The following TENM3 variants were observed in gnomAD, a reference collection of about 807,000 sequenced individuals.
TENM3 encodes the protein teneurin transmembrane protein 3.
TENM3 carries 63 observed loss-of-function variants against 255.1 expected under a neutral mutation model. That is an observed-to-expected ratio of 0.25 (90% confidence interval 0.20 to 0.30). The LOEUF is 0.30. Among genes scored for constraint, TENM3 ranks in the 10% least tolerant of loss-of-function variants. TENM3 has a pLI of 1.00. For synonymous variants in TENM3, 1,306 were observed against 1,322.3 expected, an observed-to-expected ratio of 0.99 and a Z score of 0.27; for missense variants, 2,929 against 3,461.1, an observed-to-expected ratio of 0.85 and a Z score of 3.86.
intron 3 of TENM3, among the ~76,000 whole-genome samples, chr4:182,481,619 AC>A (rs34266881): frequency 0.29 from 43,985 of 151,966 alleles, 7,515 homozygotes; most frequent in East Asian, 0.48. Flanking sequence ...ACACGGTGAA[AC>A]CCCGTCTCTA....
intron 3 of TENM3, among the ~76,000 whole-genome samples, chr4:182,518,062 C>T (rs1738187100): frequency 6.6e-6 from 1 of 151,952 alleles, no homozygotes; most frequent in South Asian, 2.1e-4. Flanking sequence ...TTTTCTTGTT[C>T]TTTTTGTTTC....
In TENM3 at chr4:182,800,604, AATC is replaced by A. The variant is rs1003812516; in HGVS notation, c.*258_*260del. On this transcript the variant is annotated 3_prime_UTR_variant, in exon 28 of 28. Transcript: ENST00000511685. ...ACTGAACGTAGCCAGAGGAAAAAAA[AATC>A]ATCAAGGACAAAGGCCTCGACCTGT... 16 of 393,302 alleles carry A rather than the reference AATC, an allele frequency of 4.1e-5. No individual in the cohort carries two copies. Among genetic ancestry groups the A allele is most frequent in the Non-Finnish European group, 6.8e-5 (15 of 220,288 alleles). 24.4% of individuals were successfully genotyped at this position (393,302 alleles called of 1,614,324 possible).
the TENM3 span, among the ~76,000 whole-genome samples, chr4:181,786,880 A>G: frequency 2.0e-5 from 3 of 152,086 alleles, no homozygotes; most frequent in East Asian, 1.9e-4. Context: ...CTGAGCCCCA[A>G]CAGAACCTTG....
intron 1 of TENM3, among the ~76,000 whole-genome samples, chr4:182,226,283 G>A (rs2726818): frequency 0.094 from 14,372 of 152,122 alleles, 755 homozygotes; most frequent in African/African-American, 0.13. Context: ...ACTGTGCTAA[G>A]AGTGAATGAA....
chr4:181,518,378 C>T, the TENM3 span, among the ~76,000 whole-genome samples: 2 of 151,894 alleles, frequency 1.3e-5, no homozygotes, highest in East Asian at 3.9e-4. Flanking sequence ...CTTAATGGCA[C>T]TTCTTAGGTT....
the TENM3 span, among the ~76,000 whole-genome samples, chr4:181,966,812 AAAAGTGAC>A: frequency 3.3e-5 from 5 of 152,190 alleles, no homozygotes; most frequent in African/African-American, 1.2e-4. Flanking sequence ...CGCTAGACAC[AAAAGTGAC>A]AAAGCATTAT....
the TENM3 span, among the ~76,000 whole-genome samples, chr4:181,818,164 C>T: frequency 2.6e-5 from 4 of 152,172 alleles, no homozygotes; most frequent in African/African-American, 9.7e-5. Flanking sequence ...ACATGAGTTG[C>T]GATGGTCAGT....
intron 12 of TENM3, among the ~76,000 whole-genome samples, chr4:182,691,096 T>C (rs1354625282): frequency 6.6e-6 from 1 of 152,264 alleles, no homozygotes. Flanking sequence ...CCTTACTACC[T>C]GTGTATATGC....
intron 7 of TENM3, among the ~76,000 whole-genome samples, chr4:182,675,144 G>A (rs1755564799): frequency 6.6e-6 from 1 of 152,026 alleles, no homozygotes; most frequent in Admixed American, 6.5e-5. Context: ...CCAAAGTGCT[G>A]GGATTACAGG....
chr4:182,143,366 C>T (rs543627220), upstream of TENM3: 64 of 167,036 alleles, frequency 3.8e-4, no homozygotes, highest in African/African-American at 1.5e-3. The surrounding 1 kb of genome is among the most constrained non-coding windows in gnomAD (Gnocchi z 4.3). Flanking sequence ...TTTTCGGTCT[C>T]GGACGAAAGA....
chr4:182,123,146 T>TTTG, the TENM3 span, among the ~76,000 whole-genome samples: 1 of 152,202 alleles, frequency 6.6e-6, no homozygotes, highest in African/African-American at 2.4e-5. Flanking sequence ...TCATGGCTGT[T>TTTG]TTGTTGTTAT....
intron 3 of TENM3, among the ~76,000 whole-genome samples, chr4:182,478,181 T>G (rs1235245313): frequency 6.6e-6 from 1 of 152,148 alleles, no homozygotes; most frequent in Non-Finnish European, 1.5e-5. Context: ...AATCCTCATT[T>G]GTAGTGTTGA....
the TENM3 span, among the ~76,000 whole-genome samples, chr4:181,908,315 T>C: frequency 1.3e-5 from 2 of 152,226 alleles, no homozygotes; most frequent in African/African-American, 2.4e-5. Flanking sequence ...GTCCTCAGTC[T>C]GGCAGCTGAA....
At chr4:182,211,906 A>C (rs1490482539) in intron 1 of TENM3, among the ~76,000 whole-genome samples, 13 of 152,144 alleles carry the variant, frequency 8.5e-5, no homozygotes, top group Non-Finnish European at 8.8e-5. Context: ...AGAACACTTA[A>C]CCGAAAGGTT....
chr4:182,314,300 CAA>C (rs200624196), intron 1 of TENM3, among the ~76,000 whole-genome samples: 3 of 137,030 alleles, frequency 2.2e-5, no homozygotes, highest in Admixed American at 7.3e-5. Flanking sequence ...GACTCCGTCT[CAA>C]AAAAAAAAAA....
At chr4:181,877,505 G>A in the TENM3 span, among the ~76,000 whole-genome samples, 1 of 152,202 alleles carries the variant, frequency 6.6e-6, no homozygotes, top group Non-Finnish European at 1.5e-5. Flanking sequence ...CCTCTTCTAT[G>A]AGTCAGCATT....
chr4:181,696,058 C>T, the TENM3 span, among the ~76,000 whole-genome samples: 3 of 151,868 alleles, frequency 2.0e-5, no homozygotes, highest in Admixed American at 1.3e-4. Flanking sequence ...CCCTTAAAGC[C>T]GGACACGCGT....
At chr4:181,619,262 C>G in the TENM3 span, among the ~76,000 whole-genome samples, 1 of 152,066 alleles carries the variant, frequency 6.6e-6, no homozygotes, top group Non-Finnish European at 1.5e-5. Flanking sequence ...TTCCCCAAGC[C>G]CTGTCCATAC....
the TENM3 span, among the ~76,000 whole-genome samples, chr4:181,811,601 G>A: frequency 2.0e-5 from 3 of 152,192 alleles, no homozygotes; most frequent in Admixed American, 2.0e-4. Context: ...CCACATGGCT[G>A]GGGAGGCCTC....
Sources: gnomAD v4.1 joint callset for allele counts (sites outside exome capture counted in the v4.1 genomes callset) on GRCh38, gnomAD v4.1.1 for gene constraint, Gnocchi (gnomAD v3.1) non-coding constraint, MANE v1.5 for transcripts, NCBI Gene and HGNC (gene_info 2026-07-23, HGNC 2026-07-21) for gene names.